Variants in FOXP1 observed in about 807,000 individuals in gnomAD.
The protein encoded by FOXP1 is forkhead box P1.
Under a neutral mutation model 98.2 loss-of-function variants are expected in FOXP1, and 15 were observed. The ratio of observed to expected loss-of-function variants is 0.15; its 90% CI spans 0.10 to 0.24. The LOEUF (loss-of-function observed/expected upper bound fraction) is 0.24. FOXP1 is among the 10% of genes least tolerant of loss of function. The probability of loss-of-function intolerance (pLI) is 1.00; values close to 1 mark genes in which losing one functional copy is unlikely to be tolerated. For missense variants in FOXP1, 633 were observed against 848.5 expected, an observed-to-expected ratio of 0.75 and a Z score of 3.15; for synonymous variants, 371 against 314.5, an observed-to-expected ratio of 1.18 and a Z score of -1.90.
chr3:71,223,020 G>C (rs558583647), intron 5 of FOXP1, among the ~76,000 whole-genome samples: 1 of 152,004 alleles, frequency 6.6e-6, no homozygotes, highest in South Asian at 2.1e-4. Context: ...TCACCACTAC[G>C]ATCATCCAGC....
At chr3:71,161,493 T>G (rs941112096) in intron 6 of FOXP1, among the ~76,000 whole-genome samples, 2 of 152,194 alleles carry the variant, frequency 1.3e-5, no homozygotes, top group African/African-American at 4.8e-5. Context: ...CCACCAGGCT[T>G]GGAACTGGCA....
At chr3:70,964,628 G>A (rs752033722) in intron 20 of FOXP1, among the ~76,000 whole-genome samples, 5 of 152,170 alleles carry the variant, frequency 3.3e-5, no homozygotes, top group Admixed American at 6.5e-5. Flanking sequence ...CAGGAAAATC[G>A]GAAACACTAA....
At chr3:71,384,546 T>C (rs55692670) in intron 3 of FOXP1, among the ~76,000 whole-genome samples, 2,003 of 152,296 alleles carry the variant, frequency 0.013, 49 homozygotes, top group African/African-American at 0.045. Context: ...CCTCAGCTGA[T>C]AAATGACTTA....
At chr3:70,972,250 C>G (rs932233754) in intron 18 of FOXP1, 1 of 1,301,044 alleles carries the variant, frequency 7.7e-7, no homozygotes, top group African/African-American at 1.5e-5. Context: ...GCAGAACAGA[C>G]ATCCAATACA....
chr3:71,477,924 C>T (rs2089982211), intron 3 of FOXP1, among the ~76,000 whole-genome samples: 1 of 152,150 alleles, frequency 6.6e-6, no homozygotes, highest in South Asian at 2.1e-4. Context: ...GGCTGCAAAT[C>T]GTTTTATAAT....
intron 6 of FOXP1, chr3:71,197,735 C>T (rs186425367): frequency 1.0e-4 from 81 of 791,812 alleles, no homozygotes; most frequent in South Asian, 2.4e-4. Flanking sequence ...TCGCCATCTC[C>T]GCCTGTCTTT....
rs540031635 is a variant in FOXP1 at position 71,433,161 on chromosome 3, T to C, written c.-168+60265A>G. 3.3e-5 allele frequency among the ~76,000 whole-genome samples: 5 copies of C among 152,362 alleles called. No individual in the cohort carries two copies. In the South Asian group the frequency reaches 1.0e-3, roughly 32 times the overall value. ...TACATGTTCTTATATGTAACTCATA[T>C]ATGTTAGCATATGTAAGACTTCAGC... On this transcript the variant is annotated intron_variant, in intron 3 of 20. Transcript: ENST00000649528.
At chr3:71,049,017 A>T (rs969691669) in intron 9 of FOXP1, among the ~76,000 whole-genome samples, 23 of 152,162 alleles carry the variant, frequency 1.5e-4, no homozygotes, top group African/African-American at 5.6e-4. Context: ...TTTAAAAGCA[A>T]CACCGGTTGC....
At chr3:71,437,862 C>G (rs76430601) in intron 3 of FOXP1, among the ~76,000 whole-genome samples, 1 of 152,254 alleles carries the variant, frequency 6.6e-6, no homozygotes, top group Non-Finnish European at 1.5e-5. Flanking sequence ...GGGCCCCACC[C>G]GCACTTGCAG....
intron 3 of FOXP1, among the ~76,000 whole-genome samples, chr3:71,404,263 G>C (rs976868944): frequency 2.0e-5 from 3 of 151,248 alleles, no homozygotes; most frequent in Non-Finnish European, 2.9e-5. Context: ...GAGTAGCTGG[G>C]ATTATAGACA....
At position 71,426,858 on chromosome 3, in the gene FOXP1, C is replaced by T. The variant is rs865800600; in HGVS notation, c.-168+66568G>A. Among the ~76,000 whole-genome samples the T allele has an allele frequency of 5.3e-5, 8 of 152,138 alleles. No homozygotes were observed. In the Middle Eastern group the frequency reaches 0.01, roughly 194 times the overall value. ...CAGGCAGATCACAAGGTCAAGAGTTCGAGACCAGCCTGACCAACATGGTGA... is the reference window on the plus strand; with the variant it reads ...CAGGCAGATCACAAGGTCAAGAGTTTGAGACCAGCCTGACCAACATGGTGA... On this transcript the variant is annotated intron_variant, in intron 3 of 20. Transcript: ENST00000649528.
intron 2 of FOXP1, among the ~76,000 whole-genome samples, chr3:71,506,718 T>TTAGG (rs1381117065): frequency 6.6e-6 from 1 of 152,150 alleles, no homozygotes; most frequent in Admixed American, 6.5e-5. Context: ...TGCCCTTGAC[T>TTAGG]TAGGCTCAGT....
intron 7 of FOXP1, among the ~76,000 whole-genome samples, chr3:71,092,388 A>C (rs1297564763): frequency 6.6e-6 from 1 of 151,956 alleles, no homozygotes; most frequent in Non-Finnish European, 1.5e-5. Flanking sequence ...AAAAAGAAAA[A>C]AAAGAAAACC....
intron 5 of FOXP1, among the ~76,000 whole-genome samples, chr3:71,280,039 C>T (rs1051796148): frequency 1.2e-4 from 17 of 147,482 alleles, no homozygotes; most frequent in East Asian, 2.1e-4. Flanking sequence ...AGGAGAATGG[C>T]GTGAACCCGG....
intron 3 of FOXP1, among the ~76,000 whole-genome samples, chr3:71,452,377 T>A (rs2087036224): frequency 6.6e-6 from 1 of 152,130 alleles, no homozygotes; most frequent in African/African-American, 2.4e-5. Flanking sequence ...TGTTTATAGG[T>A]AACAACCTAG....
At chr3:71,155,562 A>G (rs1202558711) in intron 6 of FOXP1, among the ~76,000 whole-genome samples, 1 of 152,224 alleles carries the variant, frequency 6.6e-6, no homozygotes, top group African/African-American at 2.4e-5. Flanking sequence ...ACTGGGTAGT[A>G]CAGTGGTCAC....
At chr3:71,292,638 A>G (rs147477364) in intron 5 of FOXP1, 1 of 152,300 alleles carries the variant, frequency 6.6e-6, no homozygotes, top group African/African-American at 2.4e-5. Context: ...CCCGGCCTAA[A>G]AGGTAATTTT....
intron 11 of FOXP1, among the ~76,000 whole-genome samples, chr3:71,039,651 C>T (rs1345056840): frequency 6.6e-6 from 1 of 151,824 alleles, no homozygotes; most frequent in African/African-American, 2.4e-5. Context: ...AATTCAATCG[C>T]TCTGCAGCAA....
At chr3:71,193,196 G>A (rs1458194060) in intron 6 of FOXP1, among the ~76,000 whole-genome samples, 1 of 144,606 alleles carries the variant, frequency 6.9e-6, no homozygotes, top group Non-Finnish European at 1.5e-5. Flanking sequence ...TGCCCAGGCT[G>A]GAGTGCAGTG....
Sources: allele counts gnomAD v4.1 joint callset (sites outside exome capture counted in the v4.1 genomes callset), GRCh38; gene constraint gnomAD v4.1.1; transcripts MANE v1.5; gene names NCBI Gene and HGNC (gene_info 2026-07-23, HGNC 2026-07-21).